Variants in NALF1 observed in about 807,000 individuals in gnomAD.
NALF1 encodes the protein NALCN channel auxiliary factor 1, also known as family with sequence similarity 155 member A.
NALF1 carries 3 observed loss-of-function variants against 48.4 expected under a neutral mutation model. The ratio of observed to expected loss-of-function variants is 0.06; its 90% CI spans 0.03 to 0.16. NALF1 has a LOEUF of 0.16. Among genes scored for constraint, NALF1 ranks in the 10% least tolerant of loss-of-function variants. The probability of loss-of-function intolerance (pLI) is 1.00; values close to 1 mark genes in which losing one functional copy is unlikely to be tolerated. For synonymous variants in NALF1, 262 were observed against 245.7 expected (o/e 1.07, Z -0.62); for missense variants, 526 against 571.5 (o/e 0.92, Z 0.81).
intron 1 of NALF1, among the ~76,000 whole-genome samples, chr13:107,546,427 G>A (rs1055610046): frequency 4.6e-5 from 7 of 152,166 alleles, no homozygotes; most frequent in Admixed American, 3.9e-4. Flanking sequence ...TGGGTGATAT[G>A]TCCAGAATAT....
intron 1 of NALF1, among the ~76,000 whole-genome samples, chr13:107,858,580 C>T (rs1880493441): frequency 1.3e-5 from 2 of 152,138 alleles, no homozygotes; most frequent in Admixed American, 1.3e-4. Flanking sequence ...CCCAGCTACT[C>T]AGTGGGCTGA....
At position 107,508,958 on chromosome 13, in the gene NALF1, G is replaced by C. The variant is rs191495547; in HGVS notation, c.916-298203C>G. On this transcript the variant is annotated intron_variant, in intron 1 of 2. Coordinates refer to ENST00000375915, the MANE Select transcript of NALF1 (RefSeq NM_001080396.3). ...TTAGAGAACACTGTGATTATTCATT[G>C]TGAAAATAAGCCCAACATCAAAATA... Among the ~76,000 whole-genome samples, 10 of 152,258 alleles carry C rather than the reference G, an allele frequency of 6.6e-5. No individual in the cohort carries two copies. In the East Asian group the frequency reaches 1.9e-3, roughly 29 times the overall value.
chr13:107,246,153 C>T lies in NALF1; in HGVS notation c.916-35398G>A, dbSNP rs1023252138. On this transcript the variant is annotated intron_variant, in intron 1 of 2. Transcript: ENST00000375915. ...ACTTTTGATTTAATTATAAGATAAG[C>T]ATCAGGGGTAAATATAAAATATTTT... Among the ~76,000 whole-genome samples, 4 of 147,266 alleles carry T rather than the reference C, an allele frequency of 2.7e-5. No homozygotes were observed. In the East Asian group the frequency reaches 7.1e-4, roughly 26 times the overall value.
chr13:107,370,993 G>A (rs573581323), intron 1 of NALF1, among the ~76,000 whole-genome samples: 2 of 152,236 alleles, frequency 1.3e-5, no homozygotes, highest in South Asian at 2.1e-4. Flanking sequence ...CTCCCACAAT[G>A]CATGAGGATT....
intron 1 of NALF1, among the ~76,000 whole-genome samples, chr13:107,594,800 T>C (rs1466512020): frequency 6.6e-6 from 1 of 152,058 alleles, no homozygotes; most frequent in Admixed American, 6.6e-5. Flanking sequence ...TATGTTGAAA[T>C]GGTGCTGTCA....
At chr13:107,447,282 C>T (rs1254620516) in intron 1 of NALF1, among the ~76,000 whole-genome samples, 2 of 152,096 alleles carry the variant, frequency 1.3e-5, no homozygotes, top group Non-Finnish European at 2.9e-5. Flanking sequence ...TCAGCAAGAT[C>T]ACTCGATAAT....
At chr13:107,787,976 T>G (rs989204724) in intron 1 of NALF1, among the ~76,000 whole-genome samples, 1 of 152,188 alleles carries the variant, frequency 6.6e-6, no homozygotes, top group African/African-American at 2.4e-5. Flanking sequence ...ACCCACGGTT[T>G]GCATGAATTG....
At chr13:107,644,773 T>G (rs1388038823) in intron 1 of NALF1, among the ~76,000 whole-genome samples, 1 of 151,630 alleles carries the variant, frequency 6.6e-6, no homozygotes, top group African/African-American at 2.4e-5. Context: ...ATGTTTAAAG[T>G]AACTCTTTAA....
At chr13:107,730,238 T>C (rs1876271886) in intron 1 of NALF1, among the ~76,000 whole-genome samples, 1 of 152,218 alleles carries the variant, frequency 6.6e-6, no homozygotes, top group Admixed American at 6.5e-5. Flanking sequence ...TTTCCCAGAA[T>C]TATTGAAAAT....
At chr13:107,623,804 T>C (rs1205549593) in intron 1 of NALF1, among the ~76,000 whole-genome samples, 1 of 152,126 alleles carries the variant, frequency 6.6e-6, no homozygotes, top group Non-Finnish European at 1.5e-5. Context: ...GAGGAAAGCC[T>C]TCATGAACTA....
At chr13:107,513,027 C>G (rs764920323) in intron 1 of NALF1, among the ~76,000 whole-genome samples, 3 of 152,256 alleles carry the variant, frequency 2.0e-5, no homozygotes, top group Non-Finnish European at 2.9e-5. Context: ...CAAAACAGCA[C>G]CACTTGAATT....
At chr13:107,450,903 A>G (rs1366232795) in intron 1 of NALF1, among the ~76,000 whole-genome samples, 1 of 152,178 alleles carries the variant, frequency 6.6e-6, no homozygotes, top group Non-Finnish European at 1.5e-5. Context: ...TGACGAGTTA[A>G]ATTTTAAATA....
intron 1 of NALF1, among the ~76,000 whole-genome samples, chr13:107,516,220 T>C (rs906902628): frequency 6.6e-6 from 1 of 152,082 alleles, no homozygotes; most frequent in Non-Finnish European, 1.5e-5. Flanking sequence ...AAAACAAAGA[T>C]GACAATGAGC....
At chr13:107,668,554 T>C (rs1773971742) in intron 1 of NALF1, among the ~76,000 whole-genome samples, 1 of 152,002 alleles carries the variant, frequency 6.6e-6, no homozygotes, top group African/African-American at 2.4e-5. Flanking sequence ...AAATCTTCCT[T>C]TGTTTGTTTC....
chr13:107,547,024 C>T (rs1294739338), intron 1 of NALF1, among the ~76,000 whole-genome samples: 1 of 152,162 alleles, frequency 6.6e-6, no homozygotes, highest in Non-Finnish European at 1.5e-5. Flanking sequence ...GGAGATAATA[C>T]CTGTATCATA....
At chr13:107,498,825 G>A (rs1302477577) in intron 1 of NALF1, among the ~76,000 whole-genome samples, 1 of 152,160 alleles carries the variant, frequency 6.6e-6, no homozygotes, top group African/African-American at 2.4e-5. Flanking sequence ...GTTAGAGGCT[G>A]AAAGGGATTT....
At chr13:107,779,516 A>T (rs1164756446) in intron 1 of NALF1, among the ~76,000 whole-genome samples, 1 of 152,196 alleles carries the variant, frequency 6.6e-6, no homozygotes, top group African/African-American at 2.4e-5. Flanking sequence ...TACAGTGAGT[A>T]GGGTGAAGGA....
At chr13:107,748,013 C>T (rs1055401046) in intron 1 of NALF1, among the ~76,000 whole-genome samples, 5 of 152,118 alleles carry the variant, frequency 3.3e-5, no homozygotes, top group Non-Finnish European at 5.9e-5. Context: ...ACTGAAAAAG[C>T]CCATGTTATT....
intron 1 of NALF1, among the ~76,000 whole-genome samples, chr13:107,597,900 T>C (rs1466065004): frequency 6.6e-6 from 1 of 152,214 alleles, no homozygotes. Context: ...TTCATCTCTG[T>C]TAAGAAGCTG....
Sources: allele counts gnomAD v4.1 joint callset (sites outside exome capture counted in the v4.1 genomes callset), GRCh38; gene constraint gnomAD v4.1.1; transcripts MANE v1.5; gene names NCBI Gene and HGNC (gene_info 2026-07-23, HGNC 2026-07-21).